The following ADCYAP1R1 variants were observed in gnomAD, a reference collection of about 807,000 sequenced individuals.
The protein encoded by ADCYAP1R1 is pituitary adenylate cyclase-activating polypeptide type I receptor.
Under a neutral mutation model 67.6 loss-of-function variants are expected in ADCYAP1R1, and 44 were observed. The ratio of observed to expected loss-of-function variants is 0.65; its 90% CI spans 0.51 to 0.84. The LOEUF (loss-of-function observed/expected upper bound fraction) is 0.84. ADCYAP1R1 is among the 40% of genes least tolerant of loss of function. The pLI, the probability that ADCYAP1R1 is intolerant of heterozygous loss-of-function variation, is 0.00. For missense variants in ADCYAP1R1, 477 were observed against 587.9 expected, an observed-to-expected ratio of 0.81 and a Z score of 1.95; for synonymous variants, 222 against 219.6, an observed-to-expected ratio of 1.01 and a Z score of -0.10.
intron 13 of ADCYAP1R1, among the ~76,000 whole-genome samples, chr7:31,098,585 C>T (rs552084709): frequency 9.2e-5 from 14 of 152,034 alleles, no homozygotes; most frequent in South Asian, 2.1e-4. Context: ...AACCAAACCT[C>T]GACATTCCTC....
rs1416959682 is a variant in ADCYAP1R1 at position 31,086,423 on chromosome 7, G to A, written c.709G>A (p.Val237Ile). The A allele has an allele frequency of 8.7e-6, 14 of 1,614,124 alleles. No individual in the cohort carries two copies. Among genetic ancestry groups the A allele is most frequent in the African/African-American group, 1.3e-5 (1 of 74,944 alleles). Residue 237 changes from valine (V) to isoleucine (I), a missense_variant, in exon 10 of 16, where the codon GTT becomes ATT. Val to Ile is a conservative substitution (Grantham distance 29, BLOSUM62 3). Coordinates refer to ENST00000304166, the MANE Select transcript of ADCYAP1R1 (RefSeq NM_001118.5). This position sits in a 1 kb window ranked among gnomAD's most constrained non-coding sequence, Gnocchi z 5.0. ...KAVMVFFHYC[V>I]VSNYFWLFIE... Reference sequence around the variant, plus strand: ...CGTCATGGTTTTCTTCCACTACTGTGTTGTGTCCAACTACTTCTGGCTGTT... The same window carrying A: ...CGTCATGGTTTTCTTCCACTACTGTATTGTGTCCAACTACTTCTGGCTGTT...
chr7:31,101,008 C>T (rs1251479282), intron 13 of ADCYAP1R1, among the ~76,000 whole-genome samples: 2 of 152,208 alleles, frequency 1.3e-5, no homozygotes, highest in African/African-American at 2.4e-5. Context: ...TGGGTAATGG[C>T]TCACATCATA....
intron 1 of ADCYAP1R1, among the ~76,000 whole-genome samples, chr7:31,061,167 G>C (rs35776631): frequency 0.29 from 43,651 of 152,198 alleles, 6,646 homozygotes; most frequent in Middle Eastern, 0.34. Flanking sequence ...CTGAGGTCGC[G>C]GAAGGTGCAG....
intron 13 of ADCYAP1R1, among the ~76,000 whole-genome samples, chr7:31,096,371 T>C (rs922714191): frequency 6.6e-6 from 1 of 152,144 alleles, no homozygotes; most frequent in African/African-American, 2.4e-5. Flanking sequence ...GTCTAGAGGC[T>C]TCCTCCACAT....
At chr7:31,071,483 ATCTGTTC>A (rs944216109) in intron 3 of ADCYAP1R1, among the ~76,000 whole-genome samples, 5 of 151,940 alleles carry the variant, frequency 3.3e-5, no homozygotes, top group African/African-American at 1.2e-4. Flanking sequence ...AGAGAACAGG[ATCTGTTC>A]TCATTTTCAA....
At chr7:31,084,605 C>T in intron 7 of ADCYAP1R1, 132 bp from the exon 8 acceptor site, 1 of 765,856 alleles carries the variant, frequency 1.3e-6, no homozygotes, top group Non-Finnish European at 2.3e-6. Context: ...ATGATATCAG[C>T]AGAAGAGAGG....
In ADCYAP1R1 at chr7:31,102,061, C is replaced by T. The variant is rs906657055; in HGVS notation, c.1047-1176C>T. The stretch of plus-strand genomic sequence containing the variant: ...AAGCTAGGAAGTCAAGGGCCTCACA[C>T]AGACTCCAAGAGTTCAGCTTCTCTA... On this transcript the variant is annotated intron_variant, in intron 13 of 15. Transcript: ENST00000304166. The surrounding 1 kb of genome is among the most constrained non-coding windows in gnomAD (Gnocchi z 4.3). Among the ~76,000 whole-genome samples, 4 of 152,234 alleles carry T rather than the reference C, an allele frequency of 2.6e-5. No individual in the cohort carries two copies. Among genetic ancestry groups the T allele is most frequent in the Non-Finnish European group, 5.9e-5 (4 of 68,040 alleles).
intron 14 of ADCYAP1R1, among the ~76,000 whole-genome samples, chr7:31,103,915 A>G (rs891747085): frequency 6.6e-6 from 1 of 152,230 alleles, no homozygotes; most frequent in East Asian, 1.9e-4. Flanking sequence ...TGAGGAAATG[A>G]GCAGGCAGGA....
intron 1 of ADCYAP1R1, among the ~76,000 whole-genome samples, chr7:31,061,861 TG>T (rs1225273021): frequency 6.6e-6 from 1 of 152,106 alleles, no homozygotes; most frequent in African/African-American, 2.4e-5. Context: ...GACTAATGGT[TG>T]GGATGCACAT....
intron 3 of ADCYAP1R1, among the ~76,000 whole-genome samples, chr7:31,075,456 C>T (rs1795169150): frequency 6.6e-6 from 1 of 152,172 alleles, no homozygotes; most frequent in South Asian, 2.1e-4. Context: ...CTGCCTGGCA[C>T]TCCACACTCC....
At chr7:31,092,523 G>A (rs916297464) in intron 12 of ADCYAP1R1, 121 bp from the exon 13 acceptor site, 10 of 707,220 alleles carry the variant, frequency 1.4e-5, no homozygotes, top group African/African-American at 9.0e-5. Context: ...TTATCACACC[G>A]CCATCTTGGA....
Position 31,063,282 on chromosome 7 carries a change from C to A in ADCYAP1R1, c.18C>A (p.His6Gln), listed in dbSNP as rs775123211. 2 of 1,614,068 alleles carry A rather than the reference C, an allele frequency of 1.2e-6. No homozygotes were observed. The highest frequency in any genetic ancestry group is 1.7e-5 in the Admixed American group (1 of 60,002). The change falls in exon 2 of 16, where the codon CAC becomes CAA. Residue 6 changes from histidine (H) to glutamine (Q), a missense_variant. His to Gln is a conservative substitution (Grantham distance 24). Coordinates refer to ENST00000304166, the MANE Select transcript of ADCYAP1R1 (RefSeq NM_001118.5). MAGVV[H>Q]VSLAALLLLP... ...GAAGTGTCATGGCTGGTGTCGTGCA[C>A]GTTTCCCTGGCTGCTCTCCTCCTGC...
In ADCYAP1R1 at chr7:31,087,711, G is replaced by C. The variant is rs1361579868; in HGVS notation, c.954+15G>C. On this transcript the variant is annotated intron_variant, in intron 12 of 15. Transcript: ENST00000304166. The stretch of plus-strand genomic sequence containing the variant: ...GCTCTATCATGGTGAGTGTCCTTGG[G>C]ATGAAGAGGAAGGGAAGAGACAGGG... 1 of 1,610,630 alleles carries C rather than the reference G, an allele frequency of 6.2e-7. No homozygotes were observed. Among genetic ancestry groups the C allele is most frequent in the African/African-American group, 1.3e-5 (1 of 74,790 alleles).
At chr7:31,077,940 T>C (rs747643814) in intron 3 of ADCYAP1R1, 51 bp from the exon 4 acceptor site, 2 of 1,265,910 alleles carry the variant, frequency 1.6e-6, no homozygotes, top group East Asian at 2.3e-5. Flanking sequence ...GTGGTGTGTG[T>C]GTATGGGTGT....
chr7:31,054,849 G>A (rs1159625305), intron 1 of ADCYAP1R1, among the ~76,000 whole-genome samples: 3 of 152,224 alleles, frequency 2.0e-5, no homozygotes, highest in African/African-American at 7.2e-5. Context: ...TCCTGGGCAG[G>A]TTTGTGAGCA....
intron 3 of ADCYAP1R1, among the ~76,000 whole-genome samples, chr7:31,070,250 C>G (rs572917428): frequency 2.0e-5 from 3 of 152,364 alleles, no homozygotes; most frequent in Admixed American, 2.0e-4. Context: ...CCAGCATCTC[C>G]TCTTTGCAGG....
At position 31,087,755 on chromosome 7, in the gene ADCYAP1R1, G is replaced by A. The variant is rs964310909; in HGVS notation, c.954+59G>A. On this transcript the variant is annotated intron_variant, in intron 12 of 15. Coordinates refer to ENST00000304166, the MANE Select transcript of ADCYAP1R1 (RefSeq NM_001118.5). ...GACAGGGTCTTGGGCAGAAAGGCAC[G>A]CGAGGAAGAGAAATGAAAGAGTCCC... 2.9e-5 allele frequency: 41 copies of A among 1,415,694 alleles called. No individual in the cohort carries two copies. In the South Asian group the frequency reaches 3.4e-4, roughly 12 times the overall value. The allele number at this position is 1,415,694 out of a possible 1,614,324, so 87.7% of individuals were successfully genotyped here.
chr7:31,080,563 C>A (rs1795473484), intron 4 of ADCYAP1R1, 50 bp from the exon 5 acceptor site: 1 of 1,600,000 alleles, frequency 6.3e-7, no homozygotes, highest in East Asian at 2.2e-5. Context: ...CTTTTCTCAC[C>A]CCGCTGCTCA....
At chr7:31,067,311 C>G (rs1794777372) in intron 3 of ADCYAP1R1, among the ~76,000 whole-genome samples, 1 of 152,166 alleles carries the variant, frequency 6.6e-6, no homozygotes, top group South Asian at 2.1e-4. Context: ...TAAGCAGAAG[C>G]AAAGGGCAGC....
Sources: allele counts gnomAD v4.1 joint callset (sites outside exome capture counted in the v4.1 genomes callset), GRCh38; gene constraint gnomAD v4.1.1; non-coding constraint Gnocchi (gnomAD v3.1); transcripts MANE v1.5; gene names NCBI Gene and HGNC (gene_info 2026-07-23, HGNC 2026-07-21).